EDA: variants seen among roughly 807,000 people sequenced by gnomAD.
EDA encodes ectodysplasin-A.
EDA carries 2 observed loss-of-function variants against 23.6 expected under a neutral mutation model. That is an observed-to-expected ratio of 0.08 (90% confidence interval 0.03 to 0.27). The LOEUF is 0.27. Ranked by LOEUF, EDA falls within the 10% of genes least tolerant of loss-of-function variation. EDA has a pLI of 1.00. For synonymous variants in EDA, 131 were observed against 132.0 expected (o/e 0.99, Z 0.05); for missense variants, 229 against 324.2 (o/e 0.71, Z 2.26).
chrX:69,861,153 G>A, intron 1 of EDA: 1 of 338,938 alleles, frequency 3.0e-6, no homozygotes, highest in Non-Finnish European at 5.2e-6. Context: ...AGGAAAATTT[G>A]AGATGTAAGA....
intron 1 of EDA, among the ~76,000 whole-genome samples, chrX:69,897,070 A>G (rs2018027402): frequency 9.0e-6 from 1 of 111,424 alleles, no homozygotes; most frequent in Admixed American, 9.6e-5. Flanking sequence ...AAATCAAAGA[A>G]CCCTCAGCTT....
intron 2 of EDA, among the ~76,000 whole-genome samples, chrX:69,991,713 C>T (rs1456163183): frequency 1.8e-5 from 2 of 111,658 alleles, no homozygotes; most frequent in Non-Finnish European, 3.8e-5. Flanking sequence ...TCAGAAATCT[C>T]CTAGCCGGAG....
At position 69,642,553 on chromosome X, in the gene EDA, C is replaced by G. The variant is rs185350595; in HGVS notation, c.396+25849C>G. Among the ~76,000 whole-genome samples the G allele has an allele frequency of 3.5e-4, 39 of 110,619 alleles. No homozygotes were observed. The East Asian group carries it at 9.1e-3, about 26-fold the overall frequency. On this transcript the variant is annotated intron_variant, in intron 1 of 7. Coordinates refer to ENST00000374552, the MANE Select transcript of EDA (RefSeq NM_001399.5). ...AAAAATGACAAAACATTTATATTGT[C>G]AAAATTGGTATAATATGAAGATAAA...
chrX:69,759,773 T>G (rs1569321699), intron 1 of EDA, among the ~76,000 whole-genome samples: 1 of 110,220 alleles, frequency 9.1e-6, no homozygotes, highest in Non-Finnish European at 1.9e-5. Context: ...GTGGCCCAGG[T>G]GTGCAAAGAA....
chrX:69,785,761 G>C (rs1400982837), intron 1 of EDA, among the ~76,000 whole-genome samples: 1 of 105,436 alleles, frequency 9.5e-6, no homozygotes, highest in African/African-American at 3.4e-5. Context: ...TCTCTTTTTT[G>C]GTTGTGTCTC....
intron 1 of EDA, among the ~76,000 whole-genome samples, chrX:69,678,629 T>C (rs1457726776): frequency 9.2e-6 from 1 of 108,292 alleles, no homozygotes; most frequent in African/African-American, 3.4e-5. Flanking sequence ...TGTTTGTCTG[T>C]TGTTGGTGTA....
intron 1 of EDA, among the ~76,000 whole-genome samples, chrX:69,628,626 C>A (rs144998433): frequency 7.2e-4 from 80 of 111,432 alleles, no homozygotes; most frequent in African/African-American, 2.5e-3. Flanking sequence ...CTTCATTCTT[C>A]CCCTTCCCAC....
intron 1 of EDA, among the ~76,000 whole-genome samples, chrX:69,857,546 T>C (rs2017286334): frequency 9.2e-6 from 1 of 109,113 alleles, no homozygotes; most frequent in African/African-American, 3.3e-5. Flanking sequence ...TTTTTGGTTC[T>C]ATATGAATTT....
intron 1 of EDA, among the ~76,000 whole-genome samples, chrX:69,705,019 A>C (rs2011655973): frequency 9.1e-6 from 1 of 109,894 alleles, no homozygotes; most frequent in South Asian, 3.9e-4. Flanking sequence ...TCAGGAGTTC[A>C]AGATCAGCCT....
At chrX:70,030,344 A>C in intron 5 of EDA, 125 bp from the exon 6 acceptor site, 3 of 604,740 alleles carry the variant, frequency 5.0e-6, no homozygotes, top group Non-Finnish European at 8.3e-6. Context: ...ATCCCAAGAC[A>C]GGGGAGAGGG....
At chrX:69,638,729 C>T (rs1932805603) in intron 1 of EDA, among the ~76,000 whole-genome samples, 1 of 111,667 alleles carries the variant, frequency 9.0e-6, no homozygotes, top group Non-Finnish European at 1.9e-5. Context: ...GCTAAATAGT[C>T]ACAGACCTGC....
intron 1 of EDA, among the ~76,000 whole-genome samples, chrX:69,653,931 A>G (rs1933198672): frequency 8.9e-6 from 1 of 112,022 alleles, no homozygotes; most frequent in African/African-American, 3.2e-5. Flanking sequence ...AATGGCAACA[A>G]AAGTCAAAAT....
chrX:69,917,660 T>A (rs1174169771), intron 1 of EDA, among the ~76,000 whole-genome samples: 3 of 111,853 alleles, frequency 2.7e-5, no homozygotes, highest in Non-Finnish European at 3.8e-5. Context: ...AAAATCACTT[T>A]TCATCTACAT....
rs773459201 is a variant in EDA at position 69,676,435 on chromosome X, G to A, written c.396+59731G>A. Among the ~76,000 whole-genome samples the A allele has an allele frequency of 2.7e-5, 3 of 111,292 alleles. No individual in the cohort carries two copies. In the East Asian group the frequency reaches 8.6e-4, roughly 32 times the overall value. On this transcript the variant is annotated intron_variant, in intron 1 of 7. Transcript: ENST00000374552. ...GTGGCATGTGAGAGGAAACAGGGAA[G>A]TCAAGGATGTCTTTGAGATTTTGGC...
chrX:69,785,919 G>C (rs1271012045), intron 1 of EDA, among the ~76,000 whole-genome samples: 1 of 110,227 alleles, frequency 9.1e-6, no homozygotes, highest in Non-Finnish European at 1.9e-5. Flanking sequence ...AATCCATCTG[G>C]TCCTGGGCTC....
chrX:69,682,570 A>G (rs1445701084), intron 1 of EDA, among the ~76,000 whole-genome samples: 1 of 111,861 alleles, frequency 8.9e-6, no homozygotes, highest in Non-Finnish European at 1.9e-5. Flanking sequence ...TTCGGGTGGG[A>G]GTGACCCGAT....
At chrX:69,710,748 A>T (rs1183879093) in intron 1 of EDA, among the ~76,000 whole-genome samples, 2 of 111,140 alleles carry the variant, frequency 1.8e-5, no homozygotes, top group African/African-American at 6.5e-5. Context: ...ATTCTCTTTG[A>T]AGCAATTGTG....
chrX:69,861,543 T>C (rs2017386007), intron 1 of EDA, among the ~76,000 whole-genome samples: 1 of 111,617 alleles, frequency 9.0e-6, no homozygotes, highest in South Asian at 3.7e-4. Context: ...CTGGTATGTA[T>C]ATAATCACAG....
At chrX:69,895,106 G>A in intron 1 of EDA, among the ~76,000 whole-genome samples, 1 of 111,064 alleles carries the variant, frequency 9.0e-6, no homozygotes. Flanking sequence ...TTTGCGGGGT[G>A]GGATTAACAT....
Sources: gnomAD v4.1 joint callset for allele counts (sites outside exome capture counted in the v4.1 genomes callset) on GRCh38, gnomAD v4.1.1 for gene constraint, MANE v1.5 for transcripts, NCBI Gene and HGNC (gene_info 2026-07-23, HGNC 2026-07-21) for gene names.